AK2: variants seen among roughly 807,000 people sequenced by gnomAD.
The protein encoded by AK2 is adenylate kinase 2, also known as adenylate kinase 2, mitochondrial.
Under a neutral mutation model 24.6 loss-of-function variants are expected in AK2, and 15 were observed. The ratio of observed to expected loss-of-function variants is 0.61; its 90% CI spans 0.41 to 0.94. The LOEUF (loss-of-function observed/expected upper bound fraction) is 0.94, where lower values mean the gene tolerates loss of function less well. Among genes scored for constraint, AK2 ranks in the 40% least tolerant of loss-of-function variants. The pLI, the probability that AK2 is intolerant of heterozygous loss-of-function variation, is 0.00. For synonymous variants in AK2, 102 were observed against 114.0 expected (o/e 0.90, Z 0.67); for missense variants, 257 against 304.1 (o/e 0.85, Z 1.15).
rs775251339 is a variant in AK2, at chr1:33,011,394, G to A, written c.*1787C>T. 6.5e-5 allele frequency: 84 copies of A among 1,287,372 alleles called. No homozygotes were observed. In the South Asian group the frequency reaches 8.5e-4, roughly 13 times the overall value. The allele number at this position is 1,287,372 out of a possible 1,614,324, so 79.7% of individuals were successfully genotyped here. ...GACTGAGTTTCCATTAAGAGTGGGT[G>A]GAGTTGGTTTAGAGCCAGGAAAACA... On this transcript the variant is annotated 3_prime_UTR_variant, in exon 6 of 6. Transcript: ENST00000672715.
At chr1:33,018,183 T>C (rs746357166) in intron 4 of AK2, among the ~76,000 whole-genome samples, 4 of 152,260 alleles carry the variant, frequency 2.6e-5, no homozygotes, top group South Asian at 2.1e-4. Context: ...AGAGCCAATA[T>C]TGAATAAGTT....
rs1343479933 is a variant in AK2, at chr1:33,009,042, C to G, written c.*4139G>C. On this transcript the variant is annotated 3_prime_UTR_variant, in exon 6 of 6. Transcript: ENST00000672715. ...AGGGAACAAACAGATCAGTGCAAAT[C>G]AGTAAGGCTAACACCTGAAAATGAC... is the stretch of plus-strand genomic sequence containing the variant. 1 of 454,098 alleles carries G rather than the reference C, an allele frequency of 2.2e-6. No homozygotes were observed. Among genetic ancestry groups the G allele is most frequent in the Admixed American group, 2.3e-5 (1 of 42,580 alleles). 28.1% of individuals were successfully genotyped at this position (454,098 alleles called of 1,614,324 possible). A position where few individuals can be genotyped will look rare whatever the true frequency, so the allele number is the denominator to read the frequency against.
rs2124257047 is a variant in AK2 at position 33,009,638 on chromosome 1, A to G, written c.*3543T>C. The G allele has an allele frequency of 2.2e-6, 1 of 454,138 alleles. No homozygotes were observed. The highest frequency in any genetic ancestry group is 6.9e-5 in the East Asian group (1 of 14,400). The allele number at this position is 454,138 out of a possible 1,614,324, so 28.1% of individuals were successfully genotyped here. A position where few individuals can be genotyped will look rare whatever the true frequency, so the allele number is the denominator to read the frequency against. ...CTTTTTCAGCTGAGGAAACAGGAGC[A>G]CAGTGAATAACTAACTGGCTGGGAT... On this transcript the variant is annotated 3_prime_UTR_variant, in exon 6 of 6. Transcript: ENST00000672715.
At position 33,021,391 on chromosome 1, in the gene AK2, A is replaced by T; in HGVS notation, c.401T>A (p.Leu134Gln). 1 of 1,613,988 alleles carries T rather than the reference A, an allele frequency of 6.2e-7. No homozygotes were observed. Among genetic ancestry groups the T allele is most frequent in the South Asian group, 1.1e-5 (1 of 91,074 alleles). The change falls in exon 4 of 6, where the codon CTG becomes CAG. Residue 134 changes from leucine to glutamine, a missense_variant. Leu to Gln is a moderately radical substitution (Grantham distance 113). Coordinates refer to ENST00000672715, the MANE Select transcript of AK2 (RefSeq NM_001625.4). ...CCTTCCTGTGATTCTTCGGATCAGC[A>T]GAGAGTCTGGGATGCTGAATTCAAT... is the stretch of plus-strand genomic sequence containing the variant. ...SVIEFSIPDS[L>Q]LIRRITGRLI...
intron 4 of AK2, 45 bp from the exon 5 acceptor site, chr1:33,014,639 G>A (rs754935209): frequency 2.0e-6 from 3 of 1,521,774 alleles, no homozygotes; most frequent in South Asian, 1.1e-5. Flanking sequence ...CTGACAGTAC[G>A]CGCCTGCACT....
chr1:33,029,555 G>A (rs962374495), intron 1 of AK2: 8 of 151,796 alleles, frequency 5.3e-5, no homozygotes, highest in Admixed American at 3.9e-4. Flanking sequence ...CTGGGACTCA[G>A]GCATGCAGTA....
rs753448952 is a variant in AK2 at position 33,012,287 on chromosome 1, T to C, written c.*894A>G. On this transcript the variant is annotated 3_prime_UTR_variant, in exon 6 of 6. Transcript: ENST00000672715. ...TTTGGCCTGGCTCTTTTTATGACGA[T>C]ATCCTCTCCCAGTAATTTCTGTAAC... 52 of 1,533,882 alleles carry C rather than the reference T, an allele frequency of 3.4e-5. No homozygotes were observed. Among genetic ancestry groups the C allele is most frequent in the Admixed American group, 1.8e-4 (9 of 50,952 alleles).
rs1425850246 is a variant in AK2 at position 33,008,815 on chromosome 1, T to A, written c.*4366A>T. On this transcript the variant is annotated 3_prime_UTR_variant, in exon 6 of 6. Coordinates refer to ENST00000672715, the MANE Select transcript of AK2 (RefSeq NM_001625.4). ...AGTCTTCCGGGAGTGGTAGGACTAG[T>A]CTGCATTCTTGGTTTGCAGATTAGA... 1.3e-5 allele frequency: 6 copies of A among 453,974 alleles called. No homozygotes were observed. In the Admixed American group the frequency reaches 1.4e-4, roughly 11 times the overall value. The allele number at this position is 453,974 out of a possible 1,614,324, so 28.1% of individuals were successfully genotyped here. A position where few individuals can be genotyped will look rare whatever the true frequency, so the allele number is the denominator to read the frequency against.
Position 33,011,673 on chromosome 1 carries a change from C to T in AK2, c.*1508G>A, listed in dbSNP as rs1256340414. ...TTTCTAATGGTTTTTCCAGAGGCTG[C>T]CGTTTTTGTGGTCCTTCATAGCAGT... is the stretch of plus-strand genomic sequence containing the variant. On this transcript the variant is annotated 3_prime_UTR_variant, in exon 6 of 6. Transcript: ENST00000672715. The T allele has an allele frequency of 7.7e-7, 1 of 1,301,522 alleles. No individual in the cohort carries two copies. The allele number at this position is 1,301,522 out of a possible 1,614,324, so 80.6% of individuals were successfully genotyped here.
intron 1 of AK2, among the ~76,000 whole-genome samples, chr1:33,035,556 G>C (rs973968820): frequency 3.0e-4 from 46 of 152,204 alleles, no homozygotes; most frequent in African/African-American, 1.1e-3. Flanking sequence ...CAACAGGCAA[G>C]AGCCAGAGGC....
At chr1:33,022,248 C>T (rs896971431) in intron 2 of AK2, among the ~76,000 whole-genome samples, 5 of 151,552 alleles carry the variant, frequency 3.3e-5, no homozygotes, top group African/African-American at 1.2e-4. Context: ...CTTGGTTACA[C>T]ATCTGGGCCA....
In AK2 at chr1:33,013,287, C is replaced by A. The variant is rs202182972; in HGVS notation, c.614G>T (p.Gly205Val). 6.6e-7 allele frequency: 1 copy of A among 1,523,364 alleles called. No homozygotes were observed. The highest frequency in any genetic ancestry group is 1.4e-5 in the African/African-American group (1 of 71,398). The allele number at this position is 1,523,364 out of a possible 1,614,324, so 94.4% of individuals were successfully genotyped here. A position where few individuals can be genotyped will look rare whatever the true frequency, so the allele number is the denominator to read the frequency against. ...TPLIEYYRKR[G>V]IHSAIDASQT... is the part of the protein sequence containing the mutation. ...GGATGCATCGATGGCGGAGTGGATC[C>A]CCCGTTTCCTGTAGTACTCTATGAG... is the stretch of plus-strand genomic sequence containing the variant. The change falls in exon 6 of 6, where the codon GGG becomes GTG. Residue 205 changes from glycine to valine, a missense_variant. Gly to Val is a moderately radical substitution (Grantham distance 109). Transcript: ENST00000672715.
Position 33,008,765 on chromosome 1 carries a change from T to C in AK2, c.*4416A>G, listed in dbSNP as rs1313000426. The C allele has an allele frequency of 2.2e-6, 1 of 454,086 alleles. No individual in the cohort carries two copies. The highest frequency in any genetic ancestry group is 4.4e-6 in the Non-Finnish European group (1 of 226,788). The allele number at this position is 454,086 out of a possible 1,614,324, so 28.1% of individuals were successfully genotyped here. On this transcript the variant is annotated 3_prime_UTR_variant, in exon 6 of 6. Coordinates refer to ENST00000672715, the MANE Select transcript of AK2 (RefSeq NM_001625.4). ...GTGAAGTCGAGGGTTACATGAAGCC[T>C]TTGCATAATACCTGGCACAACGTCA...
rs1336643184 is a variant in AK2, at chr1:33,009,993, A to G, written c.*3188T>C. The G allele has an allele frequency of 2.2e-6, 1 of 454,524 alleles. No homozygotes were observed. The highest frequency in any genetic ancestry group is 6.9e-5 in the East Asian group (1 of 14,418). 28.2% of individuals were successfully genotyped at this position (454,524 alleles called of 1,614,324 possible). On this transcript the variant is annotated 3_prime_UTR_variant, in exon 6 of 6. Coordinates refer to ENST00000672715, the MANE Select transcript of AK2 (RefSeq NM_001625.4). ...TTTGGTCAGTTAAGAAAGGCACCTC[A>G]TTGAAAATAATACATCACAGTGCTG... is the stretch of plus-strand genomic sequence containing the variant.
chr1:33,011,291 T>G lies in AK2; in HGVS notation c.*1890A>C, dbSNP rs774270134. ...AGAAGGATCCCAGACCAGGCACACA[T>G]AGCTGACAGTTTTTGTTTCACTCCT... On this transcript the variant is annotated 3_prime_UTR_variant, in exon 6 of 6. Transcript: ENST00000672715. 1.5e-6 allele frequency: 2 copies of G among 1,291,612 alleles called. No homozygotes were observed. The highest frequency in any genetic ancestry group is 1.2e-5 in the South Asian group (1 of 80,976). 80.0% of individuals were successfully genotyped at this position (1,291,612 alleles called of 1,614,324 possible).
chr1:33,008,067 C>T lies in AK2; in HGVS notation c.*5114G>A, dbSNP rs1015850922. Reference sequence around the variant, plus strand: ...GAATTCTGCATATAATTTCAGAGGTCTATGATTTCTAGGGGATCCTTAGCC... The same window carrying T: ...GAATTCTGCATATAATTTCAGAGGTTTATGATTTCTAGGGGATCCTTAGCC... On this transcript the variant is annotated 3_prime_UTR_variant, in exon 6 of 6. Transcript: ENST00000672715. 2.6e-5 allele frequency: 12 copies of T among 453,972 alleles called. No individual in the cohort carries two copies. The highest frequency in any genetic ancestry group is 9.4e-5 in the Admixed American group (4 of 42,546). The allele number at this position is 453,972 out of a possible 1,614,324, so 28.1% of individuals were successfully genotyped here.
chr1:33,036,830 T>A lies in AK2; in HGVS notation c.-2A>T. On this transcript the variant is annotated 5_prime_UTR_variant, in exon 1 of 6. Coordinates refer to ENST00000672715, the MANE Select transcript of AK2 (RefSeq NM_001625.4). ...TGCCGCTGGCACGCTGGGAGCCATG[T>A]CCGCCGAAGTCTCTCACTGCCACCA... 2 of 1,586,558 alleles carry A rather than the reference T, an allele frequency of 1.3e-6. No individual in the cohort carries two copies. The highest frequency in any genetic ancestry group is 1.7e-6 in the Non-Finnish European group (2 of 1,167,048).
At chr1:33,017,454 A>C (rs993895405) in intron 4 of AK2, among the ~76,000 whole-genome samples, 28 of 152,212 alleles carry the variant, frequency 1.8e-4, no homozygotes, top group African/African-American at 6.5e-4. Context: ...GGGAGGGGCT[A>C]GGGGCATGAG....
chr1:33,016,357 G>A (rs573294631), intron 4 of AK2, among the ~76,000 whole-genome samples: 3 of 152,062 alleles, frequency 2.0e-5, no homozygotes, highest in South Asian at 4.2e-4. Flanking sequence ...GACTACAGGC[G>A]CCCACCACCA....
Sources: allele counts gnomAD v4.1 joint callset (sites outside exome capture counted in the v4.1 genomes callset), GRCh38; gene constraint gnomAD v4.1.1; transcripts MANE v1.5; gene names NCBI Gene and HGNC (gene_info 2026-07-23, HGNC 2026-07-21).